TRIM9: variants seen among roughly 807,000 people sequenced by gnomAD.
The protein encoded by TRIM9 is tripartite motif containing 9.
TRIM9 carries 26 observed loss-of-function variants against 78.3 expected under a neutral mutation model. That is an observed-to-expected ratio of 0.33 (90% CI 0.24 to 0.46). TRIM9 has a LOEUF of 0.46. TRIM9 is among the 20% of genes least tolerant of loss of function. The probability of loss-of-function intolerance (pLI) is 1.00; values close to 1 mark genes in which losing one functional copy is unlikely to be tolerated. For missense variants in TRIM9, 787 were observed against 1,036.4 expected (o/e 0.76, Z 3.30); for synonymous variants, 398 against 416.5 (o/e 0.96, Z 0.54).
At chr14:51,079,717 G>T (rs2063126414) in intron 1 of TRIM9, among the ~76,000 whole-genome samples, 1 of 152,182 alleles carries the variant, frequency 6.6e-6, no homozygotes, top group Non-Finnish European at 1.5e-5. Flanking sequence ...GTCAATGTCA[G>T]GCTGGAGGTA....
At chr14:51,016,239 C>T (rs539990474) in intron 3 of TRIM9, among the ~76,000 whole-genome samples, 169 of 152,264 alleles carry the variant, frequency 1.1e-3, no homozygotes, top group African/African-American at 3.7e-3. Context: ...CCTCAACCCC[C>T]GGGCCGTGGA....
intron 6 of TRIM9, among the ~76,000 whole-genome samples, chr14:51,000,047 G>A (rs1320615433): frequency 6.6e-6 from 1 of 152,130 alleles, no homozygotes; most frequent in African/African-American, 2.4e-5. Flanking sequence ...CTGGTGAAAG[G>A]CCCAGAACAA....
intron 1 of TRIM9, among the ~76,000 whole-genome samples, chr14:51,053,298 T>A (rs1345277180): frequency 1.3e-5 from 2 of 152,004 alleles, no homozygotes; most frequent in Non-Finnish European, 2.9e-5. Flanking sequence ...TAATTAATGA[T>A]AATAAAATGA....
chr14:50,981,129 T>C (rs1302497072), intron 11 of TRIM9, among the ~76,000 whole-genome samples: 1 of 152,096 alleles, frequency 6.6e-6, no homozygotes. Flanking sequence ...AGAAAGGAAA[T>C]CCATTATAGT....
intron 6 of TRIM9, among the ~76,000 whole-genome samples, 166 bp downstream of exon 6, chr14:51,000,517 T>G (rs1162198254): frequency 6.6e-6 from 1 of 152,208 alleles, no homozygotes; most frequent in African/African-American, 2.4e-5. Context: ...TCCATCCACC[T>G]TCACGGTAGA....
chr14:51,001,111 T>C (rs1362721734), intron 5 of TRIM9, among the ~76,000 whole-genome samples: 2 of 152,096 alleles, frequency 1.3e-5, no homozygotes, highest in Non-Finnish European at 2.9e-5. Flanking sequence ...TGTGTTCTCA[T>C]CCCCTTGAAC....
intron 1 of TRIM9, among the ~76,000 whole-genome samples, chr14:51,058,423 CT>C (rs1178068059): frequency 7.2e-5 from 11 of 152,216 alleles, no homozygotes; most frequent in Non-Finnish European, 1.6e-4. Context: ...GATTCAGGTA[CT>C]TGTGAATTGT....
chr14:51,037,699 C>T (rs1300907440), intron 1 of TRIM9, among the ~76,000 whole-genome samples: 2 of 151,934 alleles, frequency 1.3e-5, no homozygotes, highest in African/African-American at 2.4e-5. Flanking sequence ...CACAGAGACT[C>T]TTTGGCTCTT....
intron 10 of TRIM9, 118 bp from the exon 11 acceptor site, chr14:50,982,221 G>T (rs2052027268): frequency 7.9e-7 from 1 of 1,264,496 alleles, no homozygotes; most frequent in Admixed American, 2.2e-5. Context: ...CATGCAGGAA[G>T]GAGGCGTCCA....
intron 1 of TRIM9, among the ~76,000 whole-genome samples, chr14:51,041,321 A>G (rs1432090362): frequency 6.6e-6 from 1 of 152,266 alleles, no homozygotes; most frequent in Admixed American, 6.5e-5. Context: ...AAGCTTGCAC[A>G]TGCAAGGGCG....
intron 2 of TRIM9, among the ~76,000 whole-genome samples, chr14:51,023,951 A>G (rs958705885): frequency 4.6e-5 from 7 of 152,240 alleles, no homozygotes; most frequent in African/African-American, 1.7e-4. Context: ...GTGTCTTTTT[A>G]TATAATAATC....
intron 3 of TRIM9, among the ~76,000 whole-genome samples, chr14:51,017,566 T>C (rs1291803310): frequency 1.3e-5 from 2 of 152,226 alleles, no homozygotes; most frequent in African/African-American, 2.4e-5. Flanking sequence ...GAGAAGCATA[T>C]TGGGCAGTCC....
chr14:51,042,678 ATCT>A (rs1425902135), intron 1 of TRIM9, among the ~76,000 whole-genome samples: 7 of 152,140 alleles, frequency 4.6e-5, no homozygotes, highest in African/African-American at 1.7e-4. Context: ...TACGTTGAAC[ATCT>A]TCTTCCTTGG....
chr14:51,092,439 C>T (rs1046424062), intron 1 of TRIM9, among the ~76,000 whole-genome samples: 15 of 152,158 alleles, frequency 9.9e-5, no homozygotes, highest in Admixed American at 8.5e-4. Context: ...AATGTTCCAG[C>T]CTTAACTCCA....
intron 3 of TRIM9, 100 bp from the exon 4 acceptor site, chr14:51,010,594 C>A: frequency 2.4e-6 from 2 of 845,004 alleles, no homozygotes; most frequent in Non-Finnish European, 3.8e-6. Flanking sequence ...AGAATCCATT[C>A]CATTCTGGAA....
chr14:51,044,406 A>G (rs1226237266), intron 1 of TRIM9, among the ~76,000 whole-genome samples: 2 of 152,208 alleles, frequency 1.3e-5, no homozygotes, highest in African/African-American at 4.8e-5. Flanking sequence ...CCTCCTCTGC[A>G]GCTAGGATTA....
chr14:51,017,884 A>G (rs1169613762), intron 3 of TRIM9, among the ~76,000 whole-genome samples: 1 of 152,170 alleles, frequency 6.6e-6, no homozygotes, highest in Non-Finnish European at 1.5e-5. Context: ...TTCCATGGGT[A>G]GCCTGGGCAC....
intron 1 of TRIM9, among the ~76,000 whole-genome samples, chr14:51,079,460 C>G (rs2063106907): frequency 6.6e-6 from 1 of 151,920 alleles, no homozygotes; most frequent in South Asian, 2.1e-4. Context: ...TCAATGGATT[C>G]TGTGTTTACA....
chr14:51,009,007 G>A, intron 5 of TRIM9, 73 bp downstream of exon 5: 2 of 1,479,962 alleles, frequency 1.4e-6, no homozygotes, highest in South Asian at 1.2e-5. Context: ...AGCCAAAGGG[G>A]TACTGATCCT....
Sources: allele counts gnomAD v4.1 joint callset (sites outside exome capture counted in the v4.1 genomes callset), GRCh38; gene constraint gnomAD v4.1.1; transcripts MANE v1.5; gene names NCBI Gene and HGNC (gene_info 2026-07-23, HGNC 2026-07-21).